The following UNC5A variants were observed in gnomAD, a reference collection of about 807,000 sequenced individuals.
The protein encoded by UNC5A is unc-5 netrin receptor A, also known as netrin receptor UNC5A.
In UNC5A, 20 loss-of-function variants were observed where a neutral mutation model predicts 87.4. That is an observed-to-expected ratio of 0.23 (90% CI 0.16 to 0.33). UNC5A has a LOEUF of 0.33. Among genes scored for constraint, UNC5A ranks in the 10% least tolerant of loss-of-function variants. UNC5A has a pLI of 1.00. For missense variants in UNC5A, 844 were observed against 1,133.4 expected (o/e 0.74, Z 3.67); for synonymous variants, 438 against 482.3 (o/e 0.91, Z 1.20).
chr5:176,875,504 C>A lies in UNC5A; in HGVS notation c.1378+938C>A, dbSNP rs573672012. Among the ~76,000 whole-genome samples, 11 of 152,280 alleles carry A rather than the reference C, an allele frequency of 7.2e-5. No homozygotes were observed. In the East Asian group the frequency reaches 2.1e-3, roughly 29 times the overall value. ...CTTCAGTCCCACGCCAGTCCCTCCT[C>A]AATAGCTCCTGCCACCTCCTGCTCT... On this transcript the variant is annotated intron_variant, in intron 8 of 14. Transcript: ENST00000329542. This position sits in a 1 kb window ranked among gnomAD's most constrained non-coding sequence, Gnocchi z 5.2.
intron 1 of UNC5A, among the ~76,000 whole-genome samples, chr5:176,826,106 G>A (rs1756846640): frequency 6.6e-6 from 1 of 152,230 alleles, no homozygotes; most frequent in South Asian, 2.1e-4. Context: ...ACTTGTGTCT[G>A]TGTTCATTTA....
At position 176,844,730 on chromosome 5, in the gene UNC5A, C is replaced by T. The variant is rs140588671; in HGVS notation, c.71-17894C>T. On this transcript the variant is annotated intron_variant, in intron 1 of 14. Coordinates refer to ENST00000329542, the MANE Select transcript of UNC5A (RefSeq NM_133369.3). This position sits in a 1 kb window ranked among gnomAD's most constrained non-coding sequence, Gnocchi z 4.2. ...GGGTCTGTGGACCACAGTTCACAGCCTCCTATTGTTCCAGTTGGAACAGAG... is the reference window on the plus strand; with the variant it reads ...GGGTCTGTGGACCACAGTTCACAGCTTCCTATTGTTCCAGTTGGAACAGAG... Among the ~76,000 whole-genome samples, 807 of 152,344 alleles carry T rather than the reference C, an allele frequency of 5.3e-3. 7 individuals are homozygous for T. Among genetic ancestry groups the T allele is most frequent in the South Asian group, 0.024 (118 of 4,832 alleles).
At chr5:176,834,828 G>A (rs543353051) in intron 1 of UNC5A, among the ~76,000 whole-genome samples, 3 of 152,222 alleles carry the variant, frequency 2.0e-5, no homozygotes, top group Non-Finnish European at 2.9e-5. Flanking sequence ...CTGGTGCTAG[G>A]AGATGGTGTC....
Position 176,874,408 on chromosome 5 carries a change from G to A in UNC5A, c.1220G>A (p.Arg407His), listed in dbSNP as rs895075991. 2.2e-5 allele frequency: 36 copies of A among 1,613,398 alleles called. No homozygotes were observed. Among genetic ancestry groups the A allele is most frequent in the East Asian group, 6.7e-5 (3 of 44,864 alleles). The change falls in exon 8 of 15, where the codon CGC (arginine) becomes CAC (histidine). Residue 407 changes from arginine (R) to histidine (H), a missense_variant. By Grantham distance (29) the Arg-to-His change is conservative. Around this residue, in one of 3 missense-constraint regions of UNC5A, gnomAD observed 353 missense variants for 387.5 expected, o/e 0.91. Coordinates refer to ENST00000329542, the MANE Select transcript of UNC5A (RefSeq NM_133369.3). This position sits in a 1 kb window ranked among gnomAD's most constrained non-coding sequence, Gnocchi z 7.6. ...GHLLSPLGGG[R>H]HTLHHSSPTS... The stretch of plus-strand genomic sequence containing the variant: ...CTGCTCAGCCCCCTGGGTGGCGGCC[G>A]CCACACACTGCACCACAGCTCTCCC...
chr5:176,836,930 A>G (rs1018577778), intron 1 of UNC5A, among the ~76,000 whole-genome samples: 6 of 152,250 alleles, frequency 3.9e-5, no homozygotes, highest in African/African-American at 7.2e-5. Context: ...GTTAGGAGGC[A>G]TCTTCCTCTC....
Position 176,866,888 on chromosome 5 carries a change from G to A in UNC5A, c.293-1242G>A, listed in dbSNP as rs959294778. On this transcript the variant is annotated intron_variant, in intron 2 of 14. Transcript: ENST00000329542. This position sits in a 1 kb window ranked among gnomAD's most constrained non-coding sequence, Gnocchi z 5.0. Reference sequence around the variant, plus strand: ...TACCATGATCTCACCAGAGGTGACAGCTCTGCCATCTCCTATGATAGCTGG... The same window carrying A: ...TACCATGATCTCACCAGAGGTGACAACTCTGCCATCTCCTATGATAGCTGG... Among the ~76,000 whole-genome samples the A allele has an allele frequency of 3.9e-5, 6 of 152,186 alleles. No individual in the cohort carries two copies. Among genetic ancestry groups the A allele is most frequent in the Non-Finnish European group, 7.3e-5 (5 of 68,046 alleles).
intron 2 of UNC5A, among the ~76,000 whole-genome samples, chr5:176,864,375 C>T (rs999882649): frequency 1.3e-5 from 2 of 152,166 alleles, no homozygotes; most frequent in Admixed American, 6.5e-5. Context: ...GGGCTGCGGT[C>T]GCACTTGCAC....
At chr5:176,862,457 G>A (rs1028629224) in intron 1 of UNC5A, among the ~76,000 whole-genome samples, 167 bp from the exon 2 acceptor site, 1 of 152,210 alleles carries the variant, frequency 6.6e-6, no homozygotes, top group African/African-American at 2.4e-5. Context: ...TGGAGGCCCG[G>A]GTGGGGGATG....
At chr5:176,873,852 A>T in intron 6 of UNC5A, 116 bp from the exon 7 acceptor site, 1 of 1,066,618 alleles carries the variant, frequency 9.4e-7, no homozygotes, top group Non-Finnish European at 1.4e-6. Flanking sequence ...TCTGCTCCCT[A>T]GCTAGTGCAG....
At position 176,880,836 on chromosome 5, in the gene UNC5A, G is replaced by A. The variant is rs1489894081; in HGVS notation, c.*950G>A. 2.5e-5 allele frequency: 11 copies of A among 431,668 alleles called. No homozygotes were observed. The highest frequency in any genetic ancestry group is 6.2e-5 in the African/African-American group (3 of 48,638). 26.7% of individuals were successfully genotyped at this position (431,668 alleles called of 1,614,324 possible). On this transcript the variant is annotated 3_prime_UTR_variant, in exon 15 of 15. Coordinates refer to ENST00000329542, the MANE Select transcript of UNC5A (RefSeq NM_133369.3). ...CTTATGTACACAGCCTTGCCCGGCC[G>A]CCGGGGCACATAGGGGTTTTATCGG...
intron 1 of UNC5A, among the ~76,000 whole-genome samples, chr5:176,829,672 G>A: frequency 6.6e-6 from 1 of 152,194 alleles, no homozygotes; most frequent in South Asian, 2.1e-4. Flanking sequence ...ATGGATCAAT[G>A]GGAGGGAAGG....
At chr5:176,877,312 A>G in intron 9 of UNC5A, 33 bp downstream of exon 9, 1 of 1,582,002 alleles carries the variant, frequency 6.3e-7, no homozygotes, top group Non-Finnish European at 8.7e-7. Flanking sequence ...CGGGGGTGGG[A>G]GGGACCTGCC....
rs566962934 is a variant in UNC5A, at chr5:176,811,619, G to A, written c.70+799G>A. Among the ~76,000 whole-genome samples, 489 of 152,278 alleles carry A rather than the reference G, an allele frequency of 3.2e-3. 2 individuals carry two copies. Among genetic ancestry groups the A allele is most frequent in the African/African-American group, 0.011 (458 of 41,534 alleles). On this transcript the variant is annotated intron_variant, in intron 1 of 14. Coordinates refer to ENST00000329542, the MANE Select transcript of UNC5A (RefSeq NM_133369.3). ...CATTCCCTTGGGAGGGGCTTGGGGG[G>A]AGGAAGTTCCCCTGCATCCTTTGTC... is the stretch of plus-strand genomic sequence containing the variant.
rs1311179244 is a variant in UNC5A at position 176,848,896 on chromosome 5, G to C, written c.71-13728G>C. 6.6e-6 allele frequency among the ~76,000 whole-genome samples: 1 copy of C among 152,228 alleles called. No homozygotes were observed. Among genetic ancestry groups the C allele is most frequent in the Non-Finnish European group, 1.5e-5 (1 of 68,042 alleles). The stretch of plus-strand genomic sequence containing the variant: ...CAGGCCTCAGCTGAGAGGACACCTG[G>C]TGCTGACAGGTACATCCTGCTACCC... On this transcript the variant is annotated intron_variant, in intron 1 of 14. Coordinates refer to ENST00000329542, the MANE Select transcript of UNC5A (RefSeq NM_133369.3). The surrounding 1 kb of genome is among the most constrained non-coding windows in gnomAD (Gnocchi z 5.8).
chr5:176,862,814 C>T lies in UNC5A; in HGVS notation c.261C>T (p.His87=), dbSNP rs776522070. The part of the protein sequence containing the change: ...CNGEWVRQVD[H]VIERSTDGSS... ...GGGAGTGGGTGCGCCAGGTGGACCA[C>T]GTGATCGAGCGCAGCACAGACGGGA... The change falls in exon 2 of 15, where the codon CAC becomes CAT. Residue 87 remains histidine (H), a synonymous_variant. Coordinates refer to ENST00000329542, the MANE Select transcript of UNC5A (RefSeq NM_133369.3). 2.6e-5 allele frequency: 42 copies of T among 1,613,138 alleles called. No individual in the cohort carries two copies. In the East Asian group the frequency reaches 3.8e-4, roughly 15 times the overall value.
rs886675786 is a variant in UNC5A, at chr5:176,843,475, G to A, written c.71-19149G>A. 6.6e-5 allele frequency among the ~76,000 whole-genome samples: 10 copies of A among 152,196 alleles called. No individual in the cohort carries two copies. The East Asian group carries it at 1.5e-3, about 23-fold the overall frequency. On this transcript the variant is annotated intron_variant, in intron 1 of 14. Transcript: ENST00000329542. ...GGGGGATTGGTGCAAAGGGGCTGGC[G>A]GGAACTTTAGGGGGTGAAGCTATTC...
At chr5:176,855,463 C>T (rs749053321) in intron 1 of UNC5A, among the ~76,000 whole-genome samples, 2 of 152,198 alleles carry the variant, frequency 1.3e-5, no homozygotes, top group African/African-American at 2.4e-5. Flanking sequence ...AGGGTCAGCC[C>T]CTGGACCACG....
Position 176,875,760 on chromosome 5 carries a change from C to T in UNC5A, c.1378+1194C>T, listed in dbSNP as rs1758246529. Among the ~76,000 whole-genome samples, 1 of 152,204 alleles carries T rather than the reference C, an allele frequency of 6.6e-6. No individual in the cohort carries two copies. The highest frequency in any genetic ancestry group is 1.5e-5 in the Non-Finnish European group (1 of 68,034). On this transcript the variant is annotated intron_variant, in intron 8 of 14. Transcript: ENST00000329542. This position sits in a 1 kb window ranked among gnomAD's most constrained non-coding sequence, Gnocchi z 5.2. ...CTCACACACATCGTCCCGCACACGG[C>T]AGCCACCATGGACTCAACATCCCCG...
intron 1 of UNC5A, among the ~76,000 whole-genome samples, chr5:176,852,968 G>C (rs1757581391): frequency 6.6e-6 from 1 of 152,246 alleles, no homozygotes; most frequent in African/African-American, 2.4e-5. Context: ...GTGGTGGCAG[G>C]CGTGAGGAGG....
Sources: gnomAD v4.1 joint callset for allele counts (sites outside exome capture counted in the v4.1 genomes callset) on GRCh38, gnomAD v4.1.1 for gene constraint, gnomAD v4.1.1 regional missense constraint, Gnocchi (gnomAD v3.1) non-coding constraint, MANE v1.5 for transcripts, NCBI Gene and HGNC (gene_info 2026-07-23, HGNC 2026-07-21) for gene names.